Variants in PTPRT observed in about 807,000 individuals in gnomAD.
The protein encoded by PTPRT is protein tyrosine phosphatase receptor type T, also known as receptor-type tyrosine-protein phosphatase T.
Under a neutral mutation model 176.8 loss-of-function variants are expected in PTPRT, and 56 were observed. That is an observed-to-expected ratio of 0.32 (90% CI 0.26 to 0.40). The LOEUF is 0.40. Among genes scored for constraint, PTPRT ranks in the 10% least tolerant of loss-of-function variants. The probability of loss-of-function intolerance (pLI) is 1.00; values close to 1 mark genes in which losing one functional copy is unlikely to be tolerated. For missense variants in PTPRT, 1,540 were observed against 1,908.2 expected, an observed-to-expected ratio of 0.81 and a Z score of 3.60; for synonymous variants, 783 against 739.0, an observed-to-expected ratio of 1.06 and a Z score of -0.96.
At chr20:42,200,836 A>C (rs73262924) in intron 15 of PTPRT, among the ~76,000 whole-genome samples, 2,181 of 152,342 alleles carry the variant, frequency 0.014, 46 homozygotes, top group African/African-American at 0.051. Context: ...TCACAACAGT[A>C]GGCTTCAAAT....
chr20:42,842,957 T>C (rs1027908507), intron 2 of PTPRT, among the ~76,000 whole-genome samples: 1 of 152,128 alleles, frequency 6.6e-6, no homozygotes, highest in Non-Finnish European at 1.5e-5. Context: ...AATTATCACA[T>C]TGGGGATTCG....
chr20:43,081,136 T>C (rs1055756201), intron 1 of PTPRT, among the ~76,000 whole-genome samples: 1 of 152,210 alleles, frequency 6.6e-6, no homozygotes, highest in African/African-American at 2.4e-5. Flanking sequence ...GGATATAAAT[T>C]TGGTATTACA....
intron 6 of PTPRT, among the ~76,000 whole-genome samples, chr20:42,731,049 C>T (rs1490854023): frequency 6.6e-6 from 1 of 152,082 alleles, no homozygotes; most frequent in Admixed American, 6.6e-5. Context: ...ACCTCTGTGC[C>T]CCCCACCACC....
At chr20:42,819,582 C>T (rs1320105368) in intron 2 of PTPRT, among the ~76,000 whole-genome samples, 1 of 151,988 alleles carries the variant, frequency 6.6e-6, no homozygotes, top group Non-Finnish European at 1.5e-5. Flanking sequence ...GAGCTGAATG[C>T]CCCAATTAAA....
At chr20:42,145,119 T>G (rs1988802821) in intron 17 of PTPRT, among the ~76,000 whole-genome samples, 1 of 152,202 alleles carries the variant, frequency 6.6e-6, no homozygotes, top group Non-Finnish European at 1.5e-5. Context: ...CAACTCATAC[T>G]CAACTCTACT....
intron 9 of PTPRT, among the ~76,000 whole-genome samples, chr20:42,361,363 A>G (rs1004107412): frequency 6.6e-5 from 10 of 152,302 alleles, no homozygotes; most frequent in Admixed American, 2.6e-4. Flanking sequence ...AAAATAGCCC[A>G]TATCCTTTGA....
chr20:43,123,505 T>C (rs912427330), intron 1 of PTPRT, among the ~76,000 whole-genome samples: 1 of 152,154 alleles, frequency 6.6e-6, no homozygotes, highest in Non-Finnish European at 1.5e-5. Flanking sequence ...CGCCCTTTTC[T>C]ATGTCTTCCT....
intron 9 of PTPRT, among the ~76,000 whole-genome samples, chr20:42,439,687 A>G (rs569062026): frequency 6.6e-6 from 1 of 152,302 alleles, no homozygotes; most frequent in East Asian, 1.9e-4. Flanking sequence ...GATTCAATTC[A>G]TGCAATGCTT....
intron 2 of PTPRT, among the ~76,000 whole-genome samples, chr20:42,817,322 C>T (rs186079733): frequency 6.7e-6 from 1 of 148,594 alleles, no homozygotes; most frequent in African/African-American, 2.5e-5. Flanking sequence ...GGTTTTTAAA[C>T]ATGAACCCTT....
At chr20:42,285,007 G>A (rs1454126915) in intron 12 of PTPRT, among the ~76,000 whole-genome samples, 1 of 149,306 alleles carries the variant, frequency 6.7e-6, no homozygotes, top group African/African-American at 2.5e-5. Context: ...TAACAGTAAA[G>A]GACATTGCTC....
intron 7 of PTPRT, among the ~76,000 whole-genome samples, chr20:42,568,577 C>A (rs1279563841): frequency 6.6e-6 from 1 of 152,148 alleles, no homozygotes; most frequent in African/African-American, 2.4e-5. Context: ...TTCTTCCATG[C>A]CCCTCTGGGT....
intron 2 of PTPRT, among the ~76,000 whole-genome samples, chr20:42,804,814 GTT>G (rs1041899335): frequency 2.0e-5 from 3 of 152,102 alleles, no homozygotes; most frequent in African/African-American, 7.2e-5. Context: ...GATTCACATG[GTT>G]TATCCCTGTG....
At chr20:42,751,091 T>G (rs1343709613) in intron 6 of PTPRT, among the ~76,000 whole-genome samples, 3 of 152,150 alleles carry the variant, frequency 2.0e-5, no homozygotes, top group Non-Finnish European at 2.9e-5. Context: ...CATCTCAGGA[T>G]CACACGTGAG....
chr20:42,359,399 T>A (rs1276324074), intron 9 of PTPRT, among the ~76,000 whole-genome samples: 1 of 152,028 alleles, frequency 6.6e-6, no homozygotes, highest in East Asian at 1.9e-4. Context: ...TCCCTAGAAA[T>A]GTAAGAATGA....
intron 7 of PTPRT, among the ~76,000 whole-genome samples, chr20:42,575,114 T>C (rs2073233959): frequency 6.6e-6 from 1 of 152,096 alleles, no homozygotes; most frequent in African/African-American, 2.4e-5. Context: ...GGTGCAAAGC[T>C]GATAAAATGA....
chr20:42,258,558 T>C (rs1480372137), intron 13 of PTPRT, among the ~76,000 whole-genome samples: 1 of 152,214 alleles, frequency 6.6e-6, no homozygotes, highest in Non-Finnish European at 1.5e-5. Context: ...TAGGTGATTT[T>C]TTTCTGCTTT....
Position 42,119,990 on chromosome 20 carries a change from G to A in PTPRT, c.2848-19C>T, listed in dbSNP as rs757227602. 1.9e-6 allele frequency: 3 copies of A among 1,603,178 alleles called. No individual in the cohort carries two copies. In the African/African-American group the frequency reaches 4.0e-5, roughly 22 times the overall value. On this transcript the variant is annotated intron_variant, in intron 19 of 30. Coordinates refer to ENST00000373187, the MANE Select transcript of PTPRT (RefSeq NM_007050.6). ...GGTATCCCTGGATAACAGGAGAAAA[G>A]CACTGTGAAGAGTCTGTTGTCAAAG...
chr20:42,431,644 G>T (rs1381808095), intron 9 of PTPRT, among the ~76,000 whole-genome samples: 1 of 152,116 alleles, frequency 6.6e-6, no homozygotes, highest in Non-Finnish European at 1.5e-5. Flanking sequence ...CTATAATATT[G>T]TTATAAAAAT....
rs78256296 is a variant in PTPRT at position 42,231,856 on chromosome 20, T to C, written c.2342+4373A>G. ...TTACTGTCTGGCTCCTTATGGAAAA[T>C]ATTTGTGGACCACTGTTCTCATGTA... On this transcript the variant is annotated intron_variant, in intron 15 of 30. Coordinates refer to ENST00000373187, the MANE Select transcript of PTPRT (RefSeq NM_007050.6). Among the ~76,000 whole-genome samples the C allele has an allele frequency of 5.2e-3, 799 of 152,252 alleles. 2 individuals carry two copies. Among genetic ancestry groups the C allele is most frequent in the Non-Finnish European group, 8.6e-3 (583 of 68,022 alleles).
Sources: allele counts gnomAD v4.1 joint callset (sites outside exome capture counted in the v4.1 genomes callset), GRCh38; gene constraint gnomAD v4.1.1; transcripts MANE v1.5; gene names NCBI Gene and HGNC (gene_info 2026-07-23, HGNC 2026-07-21).